Variants in NTMT1 observed in about 807,000 individuals in gnomAD.
NTMT1 encodes the protein N-terminal RCC1 methyltransferase.
Under a neutral mutation model 17.5 loss-of-function variants are expected in NTMT1, and 8 were observed. That is an observed-to-expected ratio of 0.46 (90% CI 0.27 to 0.82). The LOEUF (loss-of-function observed/expected upper bound fraction) is 0.82, where lower values mean the gene tolerates loss of function less well. Ranked by LOEUF, NTMT1 falls within the 40% of genes least tolerant of loss-of-function variation. NTMT1 has a pLI of 0.15. For synonymous variants in NTMT1, 128 were observed against 126.8 expected, an observed-to-expected ratio of 1.01 and a Z score of -0.06; for missense variants, 221 against 303.5, an observed-to-expected ratio of 0.73 and a Z score of 2.02.
intron 1 of NTMT1, chr9:129,615,416 C>T (rs1196403251): frequency 6.8e-7 from 1 of 1,467,748 alleles, no homozygotes; most frequent in Non-Finnish European, 9.1e-7. Flanking sequence ...GGGCCCGGAG[C>T]TACAGCCTCT....
chr9:129,635,542 C>G lies in NTMT1; in HGVS notation c.*78C>G, dbSNP rs1423258396. 1 of 1,507,402 alleles carries G rather than the reference C, an allele frequency of 6.6e-7. No individual in the cohort carries two copies. The highest frequency in any genetic ancestry group is 2.3e-5 in the East Asian group (1 of 44,010). 93.4% of individuals were successfully genotyped at this position (1,507,402 alleles called of 1,614,324 possible). A position where few individuals can be genotyped will look rare whatever the true frequency, so the allele number is the denominator to read the frequency against. On this transcript the variant is annotated 3_prime_UTR_variant, in exon 4 of 4. Coordinates refer to ENST00000372483, the MANE Select transcript of NTMT1 (RefSeq NM_014064.4). ...GCAGCTGGGCAAGATCCAGGCGCCA[C>G]GCTGGCGGTTCGTGAGTGTCGAGGC... is the stretch of plus-strand genomic sequence containing the variant.
In NTMT1 at chr9:129,635,813, T is replaced by C; in HGVS notation, c.*349T>C. The C allele has an allele frequency of 8.1e-6, 2 of 246,888 alleles. No homozygotes were observed. Among genetic ancestry groups the C allele is most frequent in the Non-Finnish European group, 7.9e-6 (1 of 126,422 alleles). 15.3% of individuals were successfully genotyped at this position (246,888 alleles called of 1,614,324 possible). A position where few individuals can be genotyped will look rare whatever the true frequency, so the allele number is the denominator to read the frequency against. On this transcript the variant is annotated 3_prime_UTR_variant, in exon 4 of 4. Transcript: ENST00000372483. ...CAGCCCGGCCTTCCAGCCATGGGCC[T>C]GGCTGCCTGAAGAGGAAGGAAACCA...
rs569047702 is a variant in NTMT1, at chr9:129,614,928, C to T, written c.-55+5750C>T. The stretch of plus-strand genomic sequence containing the variant: ...GAAAAAAAAAAAGAAAAAGAAAACT[C>T]ACTGGGAACTGCAAAACAGACACCA... On this transcript the variant is annotated intron_variant, in intron 1 of 3. Transcript: ENST00000372486. The surrounding 1 kb of genome is among the most constrained non-coding windows in gnomAD (Gnocchi z 4.4). Among the ~76,000 whole-genome samples the T allele has an allele frequency of 6.6e-6, 1 of 152,190 alleles. No homozygotes were observed. The highest frequency in any genetic ancestry group is 6.5e-5 in the Admixed American group (1 of 15,284).
intron 1 of NTMT1, among the ~76,000 whole-genome samples, chr9:129,631,050 G>A (rs892298244): frequency 6.6e-6 from 1 of 152,030 alleles, no homozygotes; most frequent in Non-Finnish European, 1.5e-5. Flanking sequence ...GTCTTCCCCC[G>A]CTCCACTCTC....
At chr9:129,622,149 G>A (rs1830746016), upstream of NTMT1, among the ~76,000 whole-genome samples, 1 of 152,232 alleles carries the variant, frequency 6.6e-6, no homozygotes, top group Non-Finnish European at 1.5e-5. Context: ...GGCTCTGGAA[G>A]TAGAACTTCC....
chr9:129,622,897 C>T (rs1167911217), upstream of NTMT1, among the ~76,000 whole-genome samples: 1 of 151,844 alleles, frequency 6.6e-6, no homozygotes, highest in African/African-American at 2.4e-5. Context: ...GGCGTGACAG[C>T]GTGTGCCTGT....
upstream of NTMT1, among the ~76,000 whole-genome samples, chr9:129,625,310 A>G (rs1830853287): frequency 6.6e-6 from 1 of 152,090 alleles, no homozygotes; most frequent in African/African-American, 2.4e-5. Flanking sequence ...GGCACTGCCG[A>G]GAGTATTTCT....
rs968494613 is a variant in NTMT1, at chr9:129,613,757, G to A, written c.-55+4579G>A. Among the ~76,000 whole-genome samples, 1 of 152,184 alleles carries A rather than the reference G, an allele frequency of 6.6e-6. No homozygotes were observed. The highest frequency in any genetic ancestry group is 2.4e-5 in the African/African-American group (1 of 41,448). The stretch of plus-strand genomic sequence containing the variant: ...TCTGGCTGCCTCCAGAGAAGCCTTG[G>A]GTTTTAAAACCACCTTGCGTGACCA... On this transcript the variant is annotated intron_variant, in intron 1 of 3. Transcript: ENST00000372486. This position sits in a 1 kb window ranked among gnomAD's most constrained non-coding sequence, Gnocchi z 6.2.
At chr9:129,612,381 A>G in intron 1 of NTMT1, 3 of 1,613,888 alleles carry the variant, frequency 1.9e-6, no homozygotes, top group Non-Finnish European at 2.5e-6. Context: ...TGCGGAGGCC[A>G]GGAGGAGATG....
At chr9:129,634,708 G>A (rs1319603440) in intron 3 of NTMT1, 1 of 226,378 alleles carries the variant, frequency 4.4e-6, no homozygotes, top group Non-Finnish European at 8.7e-6. Context: ...CTGTGCCCTG[G>A]GCTGCTGACG....
rs939338856 is a variant in NTMT1 at position 129,614,258 on chromosome 9, C to T, written c.-55+5080C>T. 1.3e-5 allele frequency among the ~76,000 whole-genome samples: 2 copies of T among 152,210 alleles called. No individual in the cohort carries two copies. The highest frequency in any genetic ancestry group is 2.4e-5 in the African/African-American group (1 of 41,454). On this transcript the variant is annotated intron_variant, in intron 1 of 3. Coordinates refer to the NTMT1 transcript ENST00000372486. The surrounding 1 kb of genome is among the most constrained non-coding windows in gnomAD (Gnocchi z 4.4). ...GCGTCACCCACACAAGCCCATCCTG[C>T]TTCTGGGGCCTTGGTTTCCCCACCA...
intron 1 of NTMT1, among the ~76,000 whole-genome samples, chr9:129,619,153 GGGT>G (rs1242921680): frequency 6.6e-6 from 1 of 152,194 alleles, no homozygotes; most frequent in African/African-American, 2.4e-5. Flanking sequence ...ATAGATTAAT[GGGT>G]GGACAGAAGG....
At chr9:129,631,516 C>T (rs1159260822) in intron 1 of NTMT1, among the ~76,000 whole-genome samples, 1 of 152,206 alleles carries the variant, frequency 6.6e-6, no homozygotes, top group Non-Finnish European at 1.5e-5. Context: ...CTCCTTCTAC[C>T]GTGGCAACCG....
At chr9:129,621,651 AG>A (rs1187760058), upstream of NTMT1, among the ~76,000 whole-genome samples, 2 of 152,198 alleles carry the variant, frequency 1.3e-5, no homozygotes, top group Non-Finnish European at 2.9e-5. Flanking sequence ...CACAGGCGTG[AG>A]TCCCCACTTC....
At position 129,626,304 on chromosome 9, in the gene NTMT1, C is replaced by A. The variant is rs1830891756; in HGVS notation, c.-55+9C>A. 1 of 152,218 alleles carries A rather than the reference C, an allele frequency of 6.6e-6. No homozygotes were observed. Among genetic ancestry groups the A allele is most frequent in the Admixed American group, 6.5e-5 (1 of 15,278 alleles). The allele number at this position is 152,218 out of a possible 1,614,324, so 9.4% of individuals were successfully genotyped here. A position where few individuals can be genotyped will look rare whatever the true frequency, so the allele number is the denominator to read the frequency against. On this transcript the variant is annotated intron_variant, in intron 1 of 3. Coordinates refer to ENST00000372483, the MANE Select transcript of NTMT1 (RefSeq NM_014064.4). ...GGGAGCCCCCGCCCGGAGTGAGTAG[C>A]GCGAGGCGGTGCGAAGGGTAGGCAG...
upstream of NTMT1, among the ~76,000 whole-genome samples, chr9:129,621,313 T>A (rs1318827205): frequency 6.6e-6 from 1 of 152,176 alleles, no homozygotes; most frequent in African/African-American, 2.4e-5. Context: ...ATTCAGTACG[T>A]CTCTGCTGGA....
intron 1 of NTMT1, among the ~76,000 whole-genome samples, chr9:129,617,175 A>G (rs868652211): frequency 6.6e-6 from 1 of 152,264 alleles, no homozygotes; most frequent in Non-Finnish European, 1.5e-5. Context: ...GTTAGTATGC[A>G]CATAGTTATA....
In NTMT1 at chr9:129,620,710, G is replaced by A. The variant is rs578202793; in HGVS notation, c.-55+11532G>A. The A allele has an allele frequency of 7.8e-6, 6 of 772,906 alleles. No individual in the cohort carries two copies. Among genetic ancestry groups the A allele is most frequent in the Admixed American group, 4.3e-5 (1 of 23,088 alleles). 47.9% of individuals were successfully genotyped at this position (772,906 alleles called of 1,614,324 possible). ...AGCGCGGTGCGGGGTGAACGCCACC[G>A]GCCCGGCGGACAGCGAGTGGCTTCA... On this transcript the variant is annotated intron_variant, in intron 1 of 3. Coordinates refer to the NTMT1 transcript ENST00000372486. The surrounding 1 kb of genome is among the most constrained non-coding windows in gnomAD (Gnocchi z 5.8).
chr9:129,610,430 T>C (rs2118840948), intron 1 of NTMT1, among the ~76,000 whole-genome samples: 1 of 151,746 alleles, frequency 6.6e-6, no homozygotes, highest in South Asian at 2.1e-4. Flanking sequence ...GCCGCACGGC[T>C]GCAAGCCTAG....
Sources: allele counts gnomAD v4.1 joint callset (sites outside exome capture counted in the v4.1 genomes callset), GRCh38; gene constraint gnomAD v4.1.1; non-coding constraint Gnocchi (gnomAD v3.1); transcripts MANE v1.5; gene names NCBI Gene and HGNC (gene_info 2026-07-23, HGNC 2026-07-21).